DAB1: variants seen among roughly 807,000 people sequenced by gnomAD.
The protein encoded by DAB1 is DAB adaptor protein 1.
DAB1 carries 15 observed loss-of-function variants against 64.6 expected under a neutral mutation model. The observed-to-expected ratio is 0.23, with a 90% confidence interval of 0.16 to 0.36. DAB1 has a LOEUF of 0.36. Among genes scored for constraint, DAB1 ranks in the 10% least tolerant of loss-of-function variants. The pLI is 1.00. For missense variants in DAB1, 596 were observed against 706.7 expected, an observed-to-expected ratio of 0.84 and a Z score of 1.78; for synonymous variants, 235 against 251.9, an observed-to-expected ratio of 0.93 and a Z score of 0.64.
intron 6 of DAB1, among the ~76,000 whole-genome samples, chr1:57,777,012 C>T (rs1393357749): frequency 6.6e-6 from 1 of 150,798 alleles, no homozygotes; most frequent in Non-Finnish European, 1.5e-5. Flanking sequence ...CAAATTCTCT[C>T]AGCTTCTATT....
At chr1:57,681,007 G>A (rs1176323167) in intron 6 of DAB1, among the ~76,000 whole-genome samples, 2 of 152,196 alleles carry the variant, frequency 1.3e-5, no homozygotes, top group East Asian at 1.9e-4. Flanking sequence ...CTAGGGCTAA[G>A]ATAAGAAAGT....
At chr1:57,210,194 G>A (rs1266062405) in intron 2 of DAB1, among the ~76,000 whole-genome samples, 1 of 152,110 alleles carries the variant, frequency 6.6e-6, no homozygotes, top group Non-Finnish European at 1.5e-5. Flanking sequence ...TAAGCATTGT[G>A]TTGCTAGAGC....
chr1:58,400,557 T>A (rs1238861846), intron 3 of DAB1, among the ~76,000 whole-genome samples: 1 of 152,120 alleles, frequency 6.6e-6, no homozygotes, highest in East Asian at 1.9e-4. Context: ...TACAATAGAA[T>A]CATAATCCAG....
chr1:57,917,009 T>G (rs1478553293), intron 5 of DAB1, among the ~76,000 whole-genome samples: 2 of 152,120 alleles, frequency 1.3e-5, no homozygotes, highest in East Asian at 3.9e-4. Context: ...ACAAACAGAA[T>G]TGGAACTCAG....
rs914120855 is a variant in DAB1, at chr1:58,032,036, G to GTC, written n.387+118474_387+118475insGA. ...TGTGTGTGTGTGTGTGTGTGTGTGT[G>GTC]TGTTTAATCTGACCTTCTAAACTCT... On this transcript the variant is annotated intron_variant and non_coding_transcript_variant, in intron 5 of 20. Coordinates refer to the DAB1 transcript ENST00000485760. Among the ~76,000 whole-genome samples, 6 of 130,032 alleles carry GTC rather than the reference G, an allele frequency of 4.6e-5. No homozygotes were observed. In the South Asian group the frequency reaches 7.3e-4, roughly 16 times the overall value. 85.3% of individuals were successfully genotyped at this position (130,032 alleles called of 152,430 possible).
chr1:57,173,059 T>G (rs1661946721), intron 2 of DAB1, among the ~76,000 whole-genome samples: 1 of 152,124 alleles, frequency 6.6e-6, no homozygotes, highest in African/African-American at 2.4e-5. Context: ...AATATAAAGG[T>G]TCTTCTGAAG....
intron 3 of DAB1, among the ~76,000 whole-genome samples, chr1:58,394,179 A>G (rs1644499799): frequency 6.6e-6 from 1 of 152,220 alleles, no homozygotes; most frequent in Non-Finnish European, 1.5e-5. Context: ...ATATGATTGC[A>G]CCATAGCATG....
At chr1:57,946,463 T>A (rs1235464632) in intron 5 of DAB1, among the ~76,000 whole-genome samples, 1 of 152,220 alleles carries the variant, frequency 6.6e-6, no homozygotes, top group Non-Finnish European at 1.5e-5. Flanking sequence ...TGCCTCCAAA[T>A]CCACTTTCTC....
intron 3 of DAB1, among the ~76,000 whole-genome samples, chr1:58,466,585 C>T (rs1030188923): frequency 6.6e-6 from 1 of 152,160 alleles, no homozygotes; most frequent in Non-Finnish European, 1.5e-5. Flanking sequence ...ACGGGAAGCC[C>T]TGACACTCTG....
intron 1 of DAB1, among the ~76,000 whole-genome samples, chr1:57,849,332 A>T (rs1653421521): frequency 6.6e-6 from 1 of 152,138 alleles, no homozygotes; most frequent in South Asian, 2.1e-4. Context: ...CTTATTCTCC[A>T]TCTGGATCTT....
chr1:57,561,783 G>A (rs1453781425), intron 7 of DAB1, among the ~76,000 whole-genome samples: 2 of 152,324 alleles, frequency 1.3e-5, no homozygotes, highest in East Asian at 1.9e-4. Flanking sequence ...AGCCACTGCT[G>A]AGTGCCAAAT....
chr1:57,556,927 TG>T (rs1644995889), intron 7 of DAB1, among the ~76,000 whole-genome samples: 1 of 152,246 alleles, frequency 6.6e-6, no homozygotes, highest in African/African-American at 2.4e-5. Context: ...TTTAAGTCTT[TG>T]ATCTATCTTG....
At chr1:58,524,000 T>C (rs1229012428) in intron 2 of DAB1, among the ~76,000 whole-genome samples, 1 of 152,218 alleles carries the variant, frequency 6.6e-6, no homozygotes, top group East Asian at 1.9e-4. Flanking sequence ...GTTCTCATTG[T>C]GTAGCAGGCC....
chr1:58,294,375 A>C (rs1291136112), intron 4 of DAB1, among the ~76,000 whole-genome samples: 1 of 152,116 alleles, frequency 6.6e-6, no homozygotes, highest in African/African-American at 2.4e-5. Context: ...TTTTAATTCA[A>C]CTCCTACATG....
At chr1:57,274,880 C>T (rs1158910816) in intron 2 of DAB1, among the ~76,000 whole-genome samples, 1 of 112,968 alleles carries the variant, frequency 8.9e-6, no homozygotes, top group Non-Finnish European at 1.7e-5. Flanking sequence ...CCGCGCTCAG[C>T]CAAATTTTTT....
intron 6 of DAB1, among the ~76,000 whole-genome samples, chr1:57,776,604 T>G (rs1649812349): frequency 6.6e-6 from 1 of 151,872 alleles, no homozygotes; most frequent in South Asian, 2.1e-4. Flanking sequence ...TTAGTGTTTA[T>G]TATTTATATA....
At chr1:57,899,758 A>C (rs1644445780) in intron 5 of DAB1, among the ~76,000 whole-genome samples, 1 of 151,834 alleles carries the variant, frequency 6.6e-6, no homozygotes, top group African/African-American at 2.4e-5. Context: ...TTAACCTTGC[A>C]CAATGCACAG....
intron 4 of DAB1, among the ~76,000 whole-genome samples, chr1:58,281,389 C>T (rs1342990402): frequency 6.6e-6 from 1 of 151,980 alleles, no homozygotes; most frequent in African/African-American, 2.4e-5. Context: ...AGACAGCCCT[C>T]AGTTTTGTAG....
chr1:57,137,484 C>T (rs78959316), intron 3 of DAB1, among the ~76,000 whole-genome samples: 3,229 of 152,220 alleles, frequency 0.021, 99 homozygotes, highest in African/African-American at 0.067. Context: ...AAGACACTTG[C>T]TTTCGAAATT....
Sources: gnomAD v4.1 joint callset for allele counts (sites outside exome capture counted in the v4.1 genomes callset) on GRCh38, gnomAD v4.1.1 for gene constraint, MANE v1.5 for transcripts, NCBI Gene and HGNC (gene_info 2026-07-23, HGNC 2026-07-21) for gene names.